The following PTPRR variants were observed in gnomAD, a reference collection of about 807,000 sequenced individuals.
PTPRR encodes the protein receptor-type tyrosine-protein phosphatase R.
In PTPRR, 38 loss-of-function variants were observed where a neutral mutation model predicts 77.2. That is an observed-to-expected ratio of 0.49 (90% confidence interval 0.38 to 0.65). The LOEUF (loss-of-function observed/expected upper bound fraction) is 0.65. PTPRR is among the 30% of genes least tolerant of loss of function. PTPRR has a pLI of 0.00. For missense variants in PTPRR, 744 were observed against 799.2 expected, an observed-to-expected ratio of 0.93 and a Z score of 0.83; for synonymous variants, 299 against 283.1, an observed-to-expected ratio of 1.06 and a Z score of -0.57.
chr12:70,877,097 G>A (rs1399416698), intron 2 of PTPRR, among the ~76,000 whole-genome samples: 4 of 152,130 alleles, frequency 2.6e-5, no homozygotes, highest in Non-Finnish European at 4.4e-5. Context: ...AGGAACTGAC[G>A]TGCCAGTTGG....
At chr12:70,789,293 C>T (rs572238688) in intron 2 of PTPRR, among the ~76,000 whole-genome samples, 16 of 151,938 alleles carry the variant, frequency 1.1e-4, no homozygotes, top group Non-Finnish European at 2.2e-4. Context: ...ATTAAATACT[C>T]ATAAGCTAGT....
chr12:70,672,422 A>G, intron 10 of PTPRR: 1 of 1,147,434 alleles, frequency 8.7e-7, no homozygotes, highest in South Asian at 1.2e-5. Context: ...ATTGGAAAGA[A>G]AGGCAAGCAC....
chr12:70,640,199 C>T (rs868476062), intron 13 of PTPRR, among the ~76,000 whole-genome samples: 6 of 151,926 alleles, frequency 3.9e-5, no homozygotes, highest in African/African-American at 9.7e-5. Context: ...TTTGAGAAAA[C>T]GTCTCCTTAA....
intron 2 of PTPRR, among the ~76,000 whole-genome samples, chr12:70,775,100 A>T (rs904826641): frequency 6.6e-6 from 1 of 152,252 alleles, no homozygotes; most frequent in African/African-American, 2.4e-5. Flanking sequence ...TTCCAAATGC[A>T]AATGGTAAGC....
chr12:70,678,292 C>T (rs775259659), intron 10 of PTPRR, among the ~76,000 whole-genome samples: 8 of 152,310 alleles, frequency 5.3e-5, no homozygotes, highest in East Asian at 1.9e-4. Flanking sequence ...CTGGCTGCCT[C>T]GGCCTGCCAA....
chr12:70,671,012 CTAGAAAG>C (rs1378186525), intron 10 of PTPRR, among the ~76,000 whole-genome samples: 1 of 151,982 alleles, frequency 6.6e-6, no homozygotes, highest in Non-Finnish European at 1.5e-5. Context: ...TATTTATTTG[CTAGAAAG>C]TAGAAAGTTG....
intron 6 of PTPRR, among the ~76,000 whole-genome samples, chr12:70,719,629 T>A (rs1270429417): frequency 6.6e-6 from 1 of 152,114 alleles, no homozygotes; most frequent in African/African-American, 2.4e-5. Flanking sequence ...ATCTGTATCA[T>A]TACTAACAAG....
chr12:70,902,387 C>T (rs1003543076), intron 1 of PTPRR, among the ~76,000 whole-genome samples: 3 of 151,792 alleles, frequency 2.0e-5, no homozygotes, highest in Admixed American at 6.6e-5. Flanking sequence ...CAGCACAATT[C>T]GCAATTGCAA....
intron 10 of PTPRR, among the ~76,000 whole-genome samples, chr12:70,677,588 T>C (rs1350097593): frequency 2.0e-5 from 3 of 152,238 alleles, no homozygotes; most frequent in Non-Finnish European, 2.9e-5. Flanking sequence ...ATACTTTCTG[T>C]ATCTAATTTG....
At chr12:70,792,578 T>C (rs942343252) in intron 2 of PTPRR, among the ~76,000 whole-genome samples, 11 of 152,228 alleles carry the variant, frequency 7.2e-5, no homozygotes, top group African/African-American at 2.7e-4. Flanking sequence ...CAATAAGATG[T>C]AATTATTTTA....
chr12:70,639,092 C>T lies in PTPRR; in HGVS notation c.*92G>A. The T allele has an allele frequency of 9.4e-7, 1 of 1,060,600 alleles. No individual in the cohort carries two copies. The highest frequency in any genetic ancestry group is 1.4e-6 in the Non-Finnish European group (1 of 709,524). 65.7% of individuals were successfully genotyped at this position (1,060,600 alleles called of 1,614,324 possible). On this transcript the variant is annotated 3_prime_UTR_variant, in exon 14 of 14. Transcript: ENST00000283228. Reference sequence around the variant, plus strand: ...ACATGGGCTTCAGAGCTTCTCCTTCCTTCCATTGCAGGAAGCTCCTTCTAG... The same window carrying T: ...ACATGGGCTTCAGAGCTTCTCCTTCTTTCCATTGCAGGAAGCTCCTTCTAG...
chr12:70,730,690 G>A (rs1483683582), intron 6 of PTPRR, among the ~76,000 whole-genome samples: 1 of 152,010 alleles, frequency 6.6e-6, no homozygotes, highest in Non-Finnish European at 1.5e-5. Flanking sequence ...TGGACATGGT[G>A]GCATGTGCTT....
At chr12:70,815,764 C>T (rs1891892262) in intron 2 of PTPRR, among the ~76,000 whole-genome samples, 1 of 152,116 alleles carries the variant, frequency 6.6e-6, no homozygotes, top group Admixed American at 6.5e-5. Context: ...GATTAACTCA[C>T]TAACATTCAT....
At chr12:70,693,173 T>C (rs184118596) in intron 8 of PTPRR, among the ~76,000 whole-genome samples, 15 of 152,338 alleles carry the variant, frequency 9.8e-5, no homozygotes, top group Admixed American at 7.8e-4. Context: ...ATGATGTATA[T>C]GATTTACTGG....
chr12:70,735,833 C>T (rs973375160), intron 6 of PTPRR, among the ~76,000 whole-genome samples: 10 of 152,184 alleles, frequency 6.6e-5, no homozygotes, highest in African/African-American at 2.4e-4. Flanking sequence ...CATACATAAG[C>T]ACAGTGGTTG....
At chr12:70,798,302 T>A (rs1311900176) in intron 2 of PTPRR, among the ~76,000 whole-genome samples, 1 of 152,168 alleles carries the variant, frequency 6.6e-6, no homozygotes, top group African/African-American at 2.4e-5. Flanking sequence ...CAGCACCAAA[T>A]TCAACTACTG....
chr12:70,784,454 T>TC (rs1891277646), intron 2 of PTPRR, among the ~76,000 whole-genome samples: 1 of 152,062 alleles, frequency 6.6e-6, no homozygotes, highest in African/African-American at 2.4e-5. Flanking sequence ...TCTCCGGAGC[T>TC]CCCCCTGTGG....
chr12:70,836,705 C>T (rs1184541543), intron 2 of PTPRR, among the ~76,000 whole-genome samples: 1 of 151,878 alleles, frequency 6.6e-6, no homozygotes, highest in East Asian at 2.0e-4. Context: ...TCTCACTCCT[C>T]ACTCCCACTC....
intron 2 of PTPRR, among the ~76,000 whole-genome samples, chr12:70,809,780 A>C (rs1891777200): frequency 6.6e-6 from 1 of 152,226 alleles, no homozygotes; most frequent in African/African-American, 2.4e-5. Context: ...ATCAATACGA[A>C]CAATTCAAAT....
Sources: allele counts gnomAD v4.1 joint callset (sites outside exome capture counted in the v4.1 genomes callset), GRCh38; gene constraint gnomAD v4.1.1; transcripts MANE v1.5; gene names NCBI Gene and HGNC (gene_info 2026-07-23, HGNC 2026-07-21).